Variants in CPS1 observed in about 807,000 individuals in gnomAD.
CPS1 encodes carbamoyl-phosphate synthase 1.
Under a neutral mutation model 174.6 loss-of-function variants are expected in CPS1, and 109 were observed. That is an observed-to-expected ratio of 0.62 (90% confidence interval 0.53 to 0.73). CPS1 has a LOEUF of 0.73. Among genes scored for constraint, CPS1 ranks in the 30% least tolerant of loss-of-function variants. The probability of loss-of-function intolerance (pLI) is 0.00; values close to 1 mark genes in which losing one functional copy is unlikely to be tolerated. For synonymous variants in CPS1, 637 were observed against 632.0 expected (o/e 1.01, Z -0.12); for missense variants, 1,689 against 1,821.9 (o/e 0.93, Z 1.33).
At chr2:210,615,851 T>C (rs1045295755) in intron 20 of CPS1, among the ~76,000 whole-genome samples, 1 of 152,018 alleles carries the variant, frequency 6.6e-6, no homozygotes, top group African/African-American at 2.4e-5. Context: ...TCATAGTGAC[T>C]GATTCAAAAC....
chr2:210,627,703 T>C (rs1183778081), intron 21 of CPS1, among the ~76,000 whole-genome samples: 1 of 152,158 alleles, frequency 6.6e-6, no homozygotes, highest in Non-Finnish European at 1.5e-5. Context: ...GTCGTAAGTA[T>C]GGTGGCCCTC....
intron 1 of CPS1, among the ~76,000 whole-genome samples, chr2:210,566,114 C>T (rs1406612129): frequency 6.6e-6 from 1 of 152,094 alleles, no homozygotes; most frequent in African/African-American, 2.4e-5. Context: ...AGTCATGGGG[C>T]AATGCAGCCC....
intron 1 of CPS1, among the ~76,000 whole-genome samples, chr2:210,531,327 T>C (rs1696108729): frequency 6.6e-6 from 1 of 152,160 alleles, no homozygotes; most frequent in African/African-American, 2.4e-5. Flanking sequence ...CCTTGGCTCC[T>C]GTGGTTTCTA....
At chr2:210,517,350 C>T (rs1289148244) in intron 1 of CPS1, among the ~76,000 whole-genome samples, 1 of 151,898 alleles carries the variant, frequency 6.6e-6, no homozygotes, top group Non-Finnish European at 1.5e-5. Flanking sequence ...GTCAGAAGTC[C>T]ACGGCGTGCT....
chr2:210,553,954 A>G (rs1696795907), upstream of CPS1, among the ~76,000 whole-genome samples: 2 of 151,594 alleles, frequency 1.3e-5, no homozygotes, highest in African/African-American at 2.4e-5. Flanking sequence ...TTGTGGAATT[A>G]TAATTGATGG....
At chr2:210,667,715 C>A (rs972071746) in intron 33 of CPS1, among the ~76,000 whole-genome samples, 2 of 152,152 alleles carry the variant, frequency 1.3e-5, no homozygotes, top group African/African-American at 2.4e-5. Context: ...CAAACCAATT[C>A]AGCAGTTACG....
chr2:210,600,622 G>A lies in CPS1; in HGVS notation c.1617G>A (p.Glu539=), dbSNP rs1698686796. ...YGVKVLGTSV[E]SIMATEDRQL... ...TGAAAGTCCTGGGAACTTCAGTTGA[G>A]TCCATTATGGCTACGGAAGACAGGC... The change falls in exon 15 of 38, where the codon GAG becomes GAA. Residue 539 remains glutamate, a synonymous_variant. Coordinates refer to ENST00000233072, the MANE Select transcript of CPS1 (RefSeq NM_001875.5). The A allele has an allele frequency of 6.2e-7, 1 of 1,612,210 alleles. No individual in the cohort carries two copies. Among genetic ancestry groups the A allele is most frequent in the Non-Finnish European group, 8.5e-7 (1 of 1,178,890 alleles).
chr2:210,522,285 CA>C (rs1449460045), intron 1 of CPS1, among the ~76,000 whole-genome samples: 2 of 151,968 alleles, frequency 1.3e-5, no homozygotes, highest in African/African-American at 4.8e-5. Context: ...ATGTTCTTAA[CA>C]ATGCCTTTGA....
chr2:210,612,346 C>T (rs1574592218), intron 20 of CPS1, 53 bp downstream of exon 20: 15 of 1,586,144 alleles, frequency 9.5e-6, no homozygotes, highest in Admixed American at 1.7e-5. Context: ...AGAATGTAGT[C>T]AGTCTGGACA....
chr2:210,605,280 C>T (rs372389580), intron 17 of CPS1, 34 bp downstream of exon 17: 6 of 1,609,368 alleles, frequency 3.7e-6, no homozygotes, highest in Admixed American at 1.7e-5. Flanking sequence ...TATAGTAATG[C>T]TTTCAGTTCA....
chr2:210,624,903 C>A (rs1174985406), intron 21 of CPS1, among the ~76,000 whole-genome samples: 10 of 151,874 alleles, frequency 6.6e-5, no homozygotes, highest in Non-Finnish European at 1.3e-4. Flanking sequence ...GAATATACAA[C>A]TTAAAAATTT....
chr2:210,550,385 C>T (rs1445738895), intron 1 of CPS1, among the ~76,000 whole-genome samples: 1 of 151,894 alleles, frequency 6.6e-6, no homozygotes, highest in Admixed American at 6.6e-5. Context: ...TTGACATGCT[C>T]CAAGAGGATG....
intron 20 of CPS1, among the ~76,000 whole-genome samples, chr2:210,612,824 T>C (rs1211201427): frequency 1.3e-5 from 2 of 151,998 alleles, no homozygotes; most frequent in Non-Finnish European, 2.9e-5. Context: ...ATTATTTTAT[T>C]GGTCTTACTT....
chr2:210,521,302 C>G (rs754442516), intron 1 of CPS1, among the ~76,000 whole-genome samples: 1 of 151,780 alleles, frequency 6.6e-6, no homozygotes, highest in African/African-American at 2.4e-5. Flanking sequence ...TCATCCTCAT[C>G]TTTTTTCTTT....
At chr2:210,482,850 T>C (rs1290592361) in intron 1 of CPS1, among the ~76,000 whole-genome samples, 2 of 152,222 alleles carry the variant, frequency 1.3e-5, no homozygotes, top group East Asian at 3.8e-4. Context: ...CACTGCAGCC[T>C]AACCCAATGT....
intron 21 of CPS1, among the ~76,000 whole-genome samples, chr2:210,630,745 ATTGTC>A (rs1699840145): frequency 6.6e-6 from 1 of 152,136 alleles, no homozygotes; most frequent in Non-Finnish European, 1.5e-5. Context: ...ATTTTTGAAA[ATTGTC>A]TTTTGCATTT....
intron 31 of CPS1, among the ~76,000 whole-genome samples, chr2:210,660,019 G>C (rs1033325924): frequency 2.6e-5 from 4 of 152,150 alleles, no homozygotes; most frequent in Non-Finnish European, 5.9e-5. Flanking sequence ...TATTTGGAGA[G>C]AGTAAATAGT....
At chr2:210,519,680 C>A in intron 1 of CPS1, 1 of 922,908 alleles carries the variant, frequency 1.1e-6, no homozygotes, top group Non-Finnish European at 1.3e-6. Flanking sequence ...GGCACGTGAC[C>A]CAAGCCCCAC....
At chr2:210,577,141 T>G in intron 3 of CPS1, 1 of 450,646 alleles carries the variant, frequency 2.2e-6, no homozygotes, top group South Asian at 2.4e-5. Flanking sequence ...TAATTATTAA[T>G]TAAATTCTTG....
Sources: gnomAD v4.1 joint callset for allele counts (sites outside exome capture counted in the v4.1 genomes callset) on GRCh38, gnomAD v4.1.1 for gene constraint, MANE v1.5 for transcripts, NCBI Gene and HGNC (gene_info 2026-07-23, HGNC 2026-07-21) for gene names.